Variants in HIPK2 observed in about 807,000 individuals in gnomAD.
HIPK2 encodes homeodomain interacting protein kinase 2.
A neutral mutation model predicts 113.7 loss-of-function variants in HIPK2; 27 were observed. The ratio of observed to expected loss-of-function variants is 0.24; its 90% confidence interval spans 0.17 to 0.33. The LOEUF is 0.33. HIPK2 is among the 10% of genes least tolerant of loss of function. HIPK2 has a pLI of 1.00. For missense variants in HIPK2, 1,257 were observed against 1,588.0 expected (o/e 0.79, Z 3.54); for synonymous variants, 631 against 642.2 (o/e 0.98, Z 0.26).
intron 2 of HIPK2, among the ~76,000 whole-genome samples, chr7:139,668,703 G>A (rs1036443422): frequency 6.6e-6 from 1 of 152,196 alleles, no homozygotes; most frequent in African/African-American, 2.4e-5. Context: ...TTCTGTTAGA[G>A]TTTAATGCCA....
chr7:139,643,391 C>CAT (rs1801095793), intron 2 of HIPK2, among the ~76,000 whole-genome samples: 1 of 151,766 alleles, frequency 6.6e-6, no homozygotes, highest in African/African-American at 2.4e-5. Context: ...TACACACACA[C>CAT]ACACACACAC....
At chr7:139,710,438 CATT>C (rs1302953029) in intron 2 of HIPK2, among the ~76,000 whole-genome samples, 1 of 152,192 alleles carries the variant, frequency 6.6e-6, no homozygotes, top group African/African-American at 2.4e-5. Context: ...CTTTGCTCAT[CATT>C]GTTTCCCTAG....
At chr7:139,710,118 A>G (rs1795018767) in intron 2 of HIPK2, among the ~76,000 whole-genome samples, 1 of 151,874 alleles carries the variant, frequency 6.6e-6, no homozygotes, top group African/African-American at 2.4e-5. Context: ...ATTAATTTTC[A>G]TTAAACTTCT....
chr7:139,572,604 A>G lies in HIPK2; in HGVS notation c.*323T>C. The G allele has an allele frequency of 4.3e-6, 1 of 234,936 alleles. No individual in the cohort carries two copies. Among genetic ancestry groups the G allele is most frequent in the Non-Finnish European group, 8.1e-6 (1 of 123,528 alleles). The allele number at this position is 234,936 out of a possible 1,614,324, so 14.6% of individuals were successfully genotyped here. On this transcript the variant is annotated 3_prime_UTR_variant, in exon 15 of 15. Transcript: ENST00000406875. ...GGGTTCTTGAGCTGGGTTTTTTGTTATTGACTTTTTTTTTTTCCTTTTTCT... is the reference window on the plus strand; with the variant it reads ...GGGTTCTTGAGCTGGGTTTTTTGTTGTTGACTTTTTTTTTTTCCTTTTTCT...
chr7:139,668,348 T>C (rs909310533), intron 2 of HIPK2, among the ~76,000 whole-genome samples: 1 of 152,000 alleles, frequency 6.6e-6, no homozygotes, highest in African/African-American at 2.4e-5. Context: ...GATCACGAGG[T>C]CAGGAGATCA....
intron 1 of HIPK2, among the ~76,000 whole-genome samples, chr7:139,743,101 G>C (rs1201257320): frequency 2.6e-5 from 4 of 152,192 alleles, no homozygotes; most frequent in African/African-American, 9.6e-5. Flanking sequence ...AGGTGTGCAG[G>C]AAGAGACCCC....
Position 139,580,387 on chromosome 7 carries a change from C to T in HIPK2, c.2965+3430G>A, listed in dbSNP as rs529887946. On this transcript the variant is annotated intron_variant, in intron 13 of 14. Coordinates refer to ENST00000406875, the MANE Select transcript of HIPK2 (RefSeq NM_022740.5). The stretch of plus-strand genomic sequence containing the variant: ...CAGAGCTTGCCAAGCTCTCAGAGGA[C>T]GAGAGCCCCGAGTAAGGGAGGACGT... Among the ~76,000 whole-genome samples the T allele has an allele frequency of 3.9e-5, 6 of 152,222 alleles. No individual in the cohort carries two copies. In the South Asian group the frequency reaches 8.3e-4, roughly 21 times the overall value.
In HIPK2 at chr7:139,631,507, CCGCCCATTTGTCATGTAATCAATGA is replaced by C; in HGVS notation, c.1227+70_1227+94del. ...GGAGACAACGTGACATTCCACAGTC[CCGCCCATTTGTCATGTAATCAATGA>C]AATGCTAATCCAGGCTATTTTCCAG... On this transcript the variant is annotated intron_variant, in intron 3 of 14. Transcript: ENST00000406875. The surrounding 1 kb of genome is among the most constrained non-coding windows in gnomAD (Gnocchi z 4.9). 1 of 1,536,562 alleles carries C rather than the reference CCGCCCATTTGTCATGTAATCAATGA, an allele frequency of 6.5e-7. No homozygotes were observed. The highest frequency in any genetic ancestry group is 8.8e-7 in the Non-Finnish European group (1 of 1,139,718).
At chr7:139,646,313 T>C (rs765218189) in intron 2 of HIPK2, among the ~76,000 whole-genome samples, 24 of 152,018 alleles carry the variant, frequency 1.6e-4, no homozygotes, top group African/African-American at 3.1e-4. Flanking sequence ...CTGGGCAACA[T>C]AGTAAGACTC....
Position 139,613,467 on chromosome 7 carries a change from T to C in HIPK2, c.1991-144A>G. 1.1e-6 allele frequency: 1 copy of C among 910,400 alleles called. No homozygotes were observed. The highest frequency in any genetic ancestry group is 1.6e-6 in the Non-Finnish European group (1 of 620,950). The allele number at this position is 910,400 out of a possible 1,614,324, so 56.4% of individuals were successfully genotyped here. A position where few individuals can be genotyped will look rare whatever the true frequency, so the allele number is the denominator to read the frequency against. The stretch of plus-strand genomic sequence containing the variant: ...CAACAACCAGGTATTGCCTGGTCCT[T>C]GGAAGTCTCCCCTTTGGCTTCTAAC... On this transcript the variant is annotated intron_variant, in intron 8 of 14. Coordinates refer to ENST00000406875, the MANE Select transcript of HIPK2 (RefSeq NM_022740.5). The surrounding 1 kb of genome is among the most constrained non-coding windows in gnomAD (Gnocchi z 4.2).
In HIPK2 at chr7:139,571,654, G is replaced by C. The variant is rs546209232; in HGVS notation, c.*1273C>G. On this transcript the variant is annotated 3_prime_UTR_variant, in exon 15 of 15. Transcript: ENST00000406875. ...ACAACGGGCATTAACATTTTAAAAA[G>C]AAAAAGAAAAAGAAAAAAAAAAGGC... is the stretch of plus-strand genomic sequence containing the variant. The C allele has an allele frequency of 6.7e-6, 1 of 149,162 alleles. No homozygotes were observed. The highest frequency in any genetic ancestry group is 2.1e-4 in the South Asian group (1 of 4,716). The allele number at this position is 149,162 out of a possible 1,614,324, so 9.2% of individuals were successfully genotyped here. A position where few individuals can be genotyped will look rare whatever the true frequency, so the allele number is the denominator to read the frequency against.
rs747709692 is a variant in HIPK2 at position 139,716,755 on chromosome 7, C to T, written c.280G>A (p.Val94Met). ...IVFPGSTGHI[V>M]VTSASSTSVT... Reference sequence around the variant, plus strand: ...GAAGTGCTGCTTGCTGAGGTGACCACGATGTGCCCGGTGCTTCCTGGGAAG... The same window carrying T: ...GAAGTGCTGCTTGCTGAGGTGACCATGATGTGCCCGGTGCTTCCTGGGAAG... Residue 94 changes from valine (V) to methionine (M), a missense_variant, in exon 2 of 15, where the codon GTG (valine) becomes ATG (methionine). This residue lies in a region of HIPK2 where 209 missense variants were observed against 237.8 expected (regional missense o/e 0.88). Coordinates refer to ENST00000406875, the MANE Select transcript of HIPK2 (RefSeq NM_022740.5). The surrounding 1 kb of genome is among the most constrained non-coding windows in gnomAD (Gnocchi z 9.3). The T allele has an allele frequency of 5.6e-5, 90 of 1,613,798 alleles. No individual in the cohort carries two copies. Among genetic ancestry groups the T allele is most frequent in the Non-Finnish European group, 7.5e-5 (88 of 1,179,892 alleles).
chr7:139,595,060 C>T (rs887834669), intron 12 of HIPK2, among the ~76,000 whole-genome samples: 7 of 152,236 alleles, frequency 4.6e-5, no homozygotes, highest in African/African-American at 1.7e-4. Flanking sequence ...TTCTCAGACA[C>T]GCTATTCAAT....
At chr7:139,769,001 C>T (rs1410901333) in intron 1 of HIPK2, among the ~76,000 whole-genome samples, 1 of 152,182 alleles carries the variant, frequency 6.6e-6, no homozygotes, top group Non-Finnish European at 1.5e-5. Flanking sequence ...CAGGGTTATA[C>T]TATGACCCAG....
intron 6 of HIPK2, among the ~76,000 whole-genome samples, chr7:139,623,920 C>G (rs1569457043): frequency 1.3e-5 from 2 of 152,188 alleles, no homozygotes; most frequent in Non-Finnish European, 2.9e-5. Context: ...CCCCTTTTCC[C>G]TGCAGACGTA....
chr7:139,642,267 T>C (rs745620013), intron 2 of HIPK2, among the ~76,000 whole-genome samples: 22 of 152,222 alleles, frequency 1.4e-4, no homozygotes, highest in African/African-American at 1.9e-4. Context: ...TCTTGAGCTC[T>C]GAGCCGCTGT....
In HIPK2 at chr7:139,572,898, T is replaced by TGCCCA; in HGVS notation, c.*28_*29insTGGGC. The TGCCCA allele has an allele frequency of 1.2e-5, 5 of 407,280 alleles. No homozygotes were observed. Among genetic ancestry groups the TGCCCA allele is most frequent in the Non-Finnish European group, 2.4e-5 (5 of 206,378 alleles). 25.2% of individuals were successfully genotyped at this position (407,280 alleles called of 1,614,324 possible). On this transcript the variant is annotated 3_prime_UTR_variant, in exon 15 of 15. Transcript: ENST00000406875. ...CTCCTCCCTCGGGCCATTCTCTCCC[T>TGCCCA]CCCTCCCTCCCTCCCTCCCCTCCAG...
intron 1 of HIPK2, among the ~76,000 whole-genome samples, chr7:139,730,415 C>T (rs1299508251): frequency 2.0e-5 from 3 of 151,490 alleles, no homozygotes; most frequent in African/African-American, 7.3e-5. Flanking sequence ...GGCTGGAGTG[C>T]AGTGGTGAGA....
Position 139,673,165 on chromosome 7 carries a change from A to C in HIPK2, c.1104-41440T>G, listed in dbSNP as rs565157242. ...TGGCCACTAAATTGTATTTGAAACC[A>C]AAAGAAGTGACCCATCTGCTCTGGG... On this transcript the variant is annotated intron_variant, in intron 2 of 14. Transcript: ENST00000406875. 2.6e-3 allele frequency among the ~76,000 whole-genome samples: 394 copies of C among 151,872 alleles called. 1 individual carries two copies. Among genetic ancestry groups the C allele is most frequent in the Non-Finnish European group, 3.4e-3 (228 of 67,982 alleles).
Sources: gnomAD v4.1 joint callset for allele counts (sites outside exome capture counted in the v4.1 genomes callset) on GRCh38, gnomAD v4.1.1 for gene constraint, gnomAD v4.1.1 regional missense constraint, Gnocchi (gnomAD v3.1) non-coding constraint, MANE v1.5 for transcripts, NCBI Gene and HGNC (gene_info 2026-07-23, HGNC 2026-07-21) for gene names.